The following MAST3 variants were observed in gnomAD, a reference collection of about 807,000 sequenced individuals.
MAST3 encodes microtubule-associated serine/threonine-protein kinase 3.
Under a neutral mutation model 127.0 loss-of-function variants are expected in MAST3, and 43 were observed. The ratio of observed to expected loss-of-function variants is 0.34; its 90% CI spans 0.27 to 0.44. The LOEUF is 0.44. Ranked by LOEUF, MAST3 falls within the 20% of genes least tolerant of loss-of-function variation. MAST3 has a pLI of 1.00. For synonymous variants in MAST3, 785 were observed against 809.2 expected (o/e 0.97, Z 0.51); for missense variants, 1,390 against 1,919.1 (o/e 0.72, Z 5.15).
At chr19:18,119,352 G>C (rs1474280429) in intron 3 of MAST3, among the ~76,000 whole-genome samples, 1 of 152,188 alleles carries the variant, frequency 6.6e-6, no homozygotes, top group Non-Finnish European at 1.5e-5. Flanking sequence ...ACCAGGTGAG[G>C]GGCTGGGAGA....
chr19:18,141,961 AG>A lies in MAST3; in HGVS notation c.2289del (p.Trp764GlyfsTer12). On this transcript the variant is annotated frameshift_variant, in exon 21 of 28. Coordinates refer to ENST00000687212, the MANE Select transcript of MAST3 (RefSeq NM_001393504.1). LOFTEE classifies it high-confidence loss of function. ...AERSFSEDRE[E>X]GWERSEVDYG... ...AGGAGCTTCAGTGAAGACCGGGAGGAGGGGTGGGAGCGCAGCGAAGTGGACT... is the reference window on the plus strand; with the variant it reads ...AGGAGCTTCAGTGAAGACCGGGAGGAGGGTGGGAGCGCAGCGAAGTGGACT... 2 of 1,555,140 alleles carry A rather than the reference AG, an allele frequency of 1.3e-6. No individual in the cohort carries two copies. Among genetic ancestry groups the A allele is most frequent in the East Asian group, 2.4e-5 (1 of 41,254 alleles).
At chr19:18,098,324 G>A (rs895138964) in intron 1 of MAST3, among the ~76,000 whole-genome samples, 3 of 152,098 alleles carry the variant, frequency 2.0e-5, no homozygotes, top group African/African-American at 7.2e-5. Flanking sequence ...GGAAACTGAG[G>A]CTCTAGTCCC....
chr19:18,132,186 T>C (rs1271733071), intron 15 of MAST3, 139 bp downstream of exon 15: 1 of 1,173,750 alleles, frequency 8.5e-7, no homozygotes, highest in Non-Finnish European at 1.2e-6. Flanking sequence ...TGAGCTCTGT[T>C]GGTACCTCCT....
At chr19:18,141,084 G>A (rs568989942) in intron 20 of MAST3, among the ~76,000 whole-genome samples, 14 of 152,066 alleles carry the variant, frequency 9.2e-5, no homozygotes, top group South Asian at 8.3e-4. Flanking sequence ...ATGAACCACC[G>A]CACCTGGCCC....
At chr19:18,109,743 G>A in intron 2 of MAST3, among the ~76,000 whole-genome samples, 1 of 152,166 alleles carries the variant, frequency 6.6e-6, no homozygotes, top group Non-Finnish European at 1.5e-5. Flanking sequence ...TGGAAGCCAG[G>A]GACTGGAGGT....
At chr19:18,105,312 A>G (rs1165801404) in intron 1 of MAST3, among the ~76,000 whole-genome samples, 1 of 152,176 alleles carries the variant, frequency 6.6e-6, no homozygotes, top group East Asian at 1.9e-4. Flanking sequence ...GGTTTCAGTG[A>G]GCCAAGACTG....
chr19:18,116,279 TC>T (rs2039237945), intron 3 of MAST3, among the ~76,000 whole-genome samples: 1 of 150,890 alleles, frequency 6.6e-6, no homozygotes, highest in Non-Finnish European at 1.5e-5. Flanking sequence ...TACTTTTATT[TC>T]TTTTATTTTT....
intron 19 of MAST3, among the ~76,000 whole-genome samples, chr19:18,138,600 C>T (rs1599853752): frequency 1.3e-5 from 2 of 152,180 alleles, no homozygotes; most frequent in East Asian, 1.9e-4. Context: ...CGGGTTCAAG[C>T]GATTCTCCTG....
At chr19:18,142,500 TG>T (rs2042604049) in intron 21 of MAST3, among the ~76,000 whole-genome samples, 2 of 151,666 alleles carry the variant, frequency 1.3e-5, no homozygotes, top group Admixed American at 6.6e-5. Flanking sequence ...TACAGGCACC[TG>T]CCACCACACC....
chr19:18,098,706 TAAG>T (rs781257805), intron 1 of MAST3: 3 of 456,666 alleles, frequency 6.6e-6, no homozygotes, highest in Admixed American at 2.3e-5. Context: ...ACCACACCCT[TAAG>T]AAGCCACCAA....
Position 18,110,175 on chromosome 19 carries a change from C to T in MAST3, c.72-477C>T. 1.0e-6 allele frequency: 1 copy of T among 985,446 alleles called. No individual in the cohort carries two copies. Among genetic ancestry groups the T allele is most frequent in the Non-Finnish European group, 1.2e-6 (1 of 829,956 alleles). 61.0% of individuals were successfully genotyped at this position (985,446 alleles called of 1,614,324 possible). A position where few individuals can be genotyped will look rare whatever the true frequency, so the allele number is the denominator to read the frequency against. On this transcript the variant is annotated intron_variant, in intron 2 of 27. Transcript: ENST00000687212. The surrounding 1 kb of genome is among the most constrained non-coding windows in gnomAD (Gnocchi z 4.3). ...GCCCGGCCCCCAGCGGCCCAGCCCC[C>T]GCGTCTAGTCTGCCGCACCAGCCAG...
At position 18,149,483 on chromosome 19, in the gene MAST3, A is replaced by G; in HGVS notation, c.3801A>G (p.Thr1267=). 3.9e-6 allele frequency: 6 copies of G among 1,544,686 alleles called. No homozygotes were observed. Among genetic ancestry groups the G allele is most frequent in the African/African-American group, 2.7e-5 (2 of 73,046 alleles). ...RRGQSADKLG[T]GERLDGEAGR... ...GCCAGTCAGCTGACAAGCTGGGCAC[A>G]GGGGAGCGGCTGGATGGGGAGGCGG... Residue 1267 remains threonine (T), a synonymous_variant, in exon 28 of 28, where the codon ACA becomes ACG. Transcript: ENST00000687212. The surrounding 1 kb of genome is among the most constrained non-coding windows in gnomAD (Gnocchi z 5.9).
At chr19:18,122,454 A>G (rs2040109500) in intron 5 of MAST3, among the ~76,000 whole-genome samples, 1 of 134,434 alleles carries the variant, frequency 7.4e-6, no homozygotes, top group Non-Finnish European at 1.6e-5. Context: ...GACAGGGGAC[A>G]CAGTGGCAGC....
At position 18,146,942 on chromosome 19, in the gene MAST3, C is replaced by T; in HGVS notation, c.3224C>T (p.Pro1075Leu). ...GAGAACACCTCCATCAAGGTGGGCC[C>T]CGCCCGGAAGAATGTGGCCAAGGGC... ...ALENTSIKVG[P>L]ARKNVAKGRM... Residue 1075 changes from proline (P) to leucine (L), a missense_variant, in exon 26 of 28, where the codon CCC becomes CTC. Physicochemically the swap from Pro to Leu is moderately conservative, Grantham distance 98. Around this residue, in one of 5 missense-constraint regions of MAST3, gnomAD observed 816 missense variants for 934.1 expected, o/e 0.87. Transcript: ENST00000687212. 1 of 1,559,086 alleles carries T rather than the reference C, an allele frequency of 6.4e-7. No homozygotes were observed. The highest frequency in any genetic ancestry group is 1.2e-5 in the South Asian group (1 of 84,476).
At position 18,123,600 on chromosome 19, in the gene MAST3, C is replaced by G. The variant is rs2040247136; in HGVS notation, c.578C>G (p.Thr193Ser). ...TTCAGCCCGGGCCGTGCAACGGGGA[C>G]CTTCGACAATGAGATTGTCATGATG... is the stretch of plus-strand genomic sequence containing the variant. The part of the protein sequence containing the change: ...RSLSPGRATG[T>S]FDNEIVMMNH... The change falls in exon 8 of 28, where the codon ACC (threonine) becomes AGC (serine). Residue 193 changes from threonine (T) to serine (S), a missense_variant. Physicochemically the swap from Thr to Ser is moderately conservative, Grantham distance 58. This residue lies in a region of MAST3 where 277 missense variants were observed against 384.8 expected (regional missense o/e 0.72). Transcript: ENST00000687212. 1 of 1,591,752 alleles carries G rather than the reference C, an allele frequency of 6.3e-7. No homozygotes were observed. Among genetic ancestry groups the G allele is most frequent in the African/African-American group, 1.3e-5 (1 of 74,434 alleles).
chr19:18,149,860 G>A lies in MAST3; in HGVS notation c.*134G>A. 1 of 1,307,496 alleles carries A rather than the reference G, an allele frequency of 7.6e-7. No homozygotes were observed. Among genetic ancestry groups the A allele is most frequent in the South Asian group, 1.4e-5 (1 of 69,428 alleles). The allele number at this position is 1,307,496 out of a possible 1,614,324, so 81.0% of individuals were successfully genotyped here. On this transcript the variant is annotated 3_prime_UTR_variant, in exon 28 of 28. Transcript: ENST00000687212. The surrounding 1 kb of genome is among the most constrained non-coding windows in gnomAD (Gnocchi z 5.9). Reference sequence around the variant, plus strand: ...AAGGCGAGAAGCCATCTCGGTCCTTGCTGGAAGGTGGAGACATCGCTTGTG... The same window carrying A: ...AAGGCGAGAAGCCATCTCGGTCCTTACTGGAAGGTGGAGACATCGCTTGTG...
At chr19:18,143,675 T>G in intron 21 of MAST3, 88 bp from the exon 22 acceptor site, 67 of 1,526,052 alleles carry the variant, frequency 4.4e-5, no homozygotes, top group Non-Finnish European at 5.2e-5. Context: ...GACTGCAGAC[T>G]GAGAGTTAAG....
At chr19:18,146,080 C>G (rs2042989172) in intron 25 of MAST3, among the ~76,000 whole-genome samples, 1 of 152,202 alleles carries the variant, frequency 6.6e-6, no homozygotes, top group Non-Finnish European at 1.5e-5. Flanking sequence ...CCTCCCTTCT[C>G]CCTGGGCACC....
intron 3 of MAST3, 40 bp from the exon 4 acceptor site, chr19:18,121,619 GCTGGGCAGGTGGCTTAGCGCGGGGCC>G (rs1471783768): frequency 1.6e-5 from 21 of 1,350,564 alleles, no homozygotes; most frequent in Middle Eastern, 2.4e-4. Context: ...TGTGATTTAG[GCTGGGCAGGTGGCTTAGCGCGGGGCC>G]CTGGGCAGCC....
Sources: gnomAD v4.1 joint callset for allele counts (sites outside exome capture counted in the v4.1 genomes callset) on GRCh38, gnomAD v4.1.1 for gene constraint, gnomAD v4.1.1 regional missense constraint, Gnocchi (gnomAD v3.1) non-coding constraint, MANE v1.5 for transcripts, NCBI Gene and HGNC (gene_info 2026-07-23, HGNC 2026-07-21) for gene names.